ABCC1: variants seen among roughly 807,000 people sequenced by gnomAD.
ABCC1 encodes multidrug resistance-associated protein 1.
A neutral mutation model predicts 172.9 loss-of-function variants in ABCC1; 83 were observed. That is an observed-to-expected ratio of 0.48 (90% CI 0.40 to 0.58). The LOEUF (loss-of-function observed/expected upper bound fraction) is 0.58, where lower values mean the gene tolerates loss of function less well. Ranked by LOEUF, ABCC1 falls within the 20% of genes least tolerant of loss-of-function variation. The probability of loss-of-function intolerance (pLI) is 0.00; values close to 1 mark genes in which losing one functional copy is unlikely to be tolerated. For missense variants in ABCC1, 1,817 were observed against 2,002.7 expected (o/e 0.91, Z 1.77); for synonymous variants, 937 against 825.2 (o/e 1.14, Z -2.32).
chr16:15,991,198 T>A (rs1037013091), intron 1 of ABCC1, among the ~76,000 whole-genome samples: 4 of 151,928 alleles, frequency 2.6e-5, no homozygotes, highest in African/African-American at 9.7e-5. Flanking sequence ...GCGTTTAGCG[T>A]CCAGCTCAAG....
chr16:16,084,206 G>A (rs889058740), intron 17 of ABCC1, among the ~76,000 whole-genome samples: 3 of 152,060 alleles, frequency 2.0e-5, no homozygotes, highest in Admixed American at 6.6e-5. Flanking sequence ...GCGTTCAGGT[G>A]ATTCTCCTGC....
chr16:16,137,971 C>G (rs1427794469), intron 29 of ABCC1, among the ~76,000 whole-genome samples: 2 of 152,014 alleles, frequency 1.3e-5, no homozygotes, highest in African/African-American at 2.4e-5. Context: ...CCTGCCTCAG[C>G]CTCCCAGTAA....
At chr16:16,037,482 TAAGA>T (rs144561853) in intron 7 of ABCC1, among the ~76,000 whole-genome samples, 6,025 of 152,046 alleles carry the variant, frequency 0.04, 312 homozygotes, top group East Asian at 0.26. Flanking sequence ...TATGTAACAG[TAAGA>T]AAGAAAAGCA....
At chr16:16,031,096 G>A (rs985791099) in intron 5 of ABCC1, among the ~76,000 whole-genome samples, 2 of 152,076 alleles carry the variant, frequency 1.3e-5, no homozygotes, top group South Asian at 2.1e-4. Flanking sequence ...TGATCTGCCC[G>A]CCTTGGCCTC....
At chr16:16,089,774 GGGA>G (rs71137911) in intron 18 of ABCC1, among the ~76,000 whole-genome samples, 16,365 of 151,794 alleles carry the variant, frequency 0.11, 1,111 homozygotes, top group Middle Eastern at 0.22. Flanking sequence ...CTACGCGGGA[GGGA>G]GGCTGAGGCA....
At chr16:16,098,110 G>C (rs1263579071) in intron 19 of ABCC1, 27 of 152,484 alleles carry the variant, frequency 1.8e-4, no homozygotes, top group Admixed American at 1.8e-3. Context: ...TCTCCTCTTG[G>C]GCACATGTGC....
chr16:16,044,344 T>C, intron 7 of ABCC1, 106 bp from the exon 8 acceptor site: 1 of 1,021,716 alleles, frequency 9.8e-7, no homozygotes, highest in Non-Finnish European at 1.5e-6. Context: ...GCTTGTTGTC[T>C]TTGACTCTGC....
intron 1 of ABCC1, among the ~76,000 whole-genome samples, chr16:15,972,787 C>CTTTTTTTTTT (rs35086205): frequency 2.2e-5 from 2 of 89,336 alleles, no homozygotes; most frequent in Admixed American, 1.6e-4. Context: ...TATTTTTTAA[C>CTTTTTTTTTT]TTTTTTTTTT....
At chr16:15,949,834 G>A (rs2045823582) in intron 1 of ABCC1, 35 bp downstream of exon 1, 1 of 1,190,934 alleles carries the variant, frequency 8.4e-7, no homozygotes. Context: ...CCGGCGGGAC[G>A]GAGGGAGGCC....
chr16:16,068,725 G>A (rs1426653239), intron 13 of ABCC1, among the ~76,000 whole-genome samples: 1 of 152,076 alleles, frequency 6.6e-6, no homozygotes, highest in Non-Finnish European at 1.5e-5. Context: ...GGCGGCTCAT[G>A]CCTGTATTCC....
At chr16:16,049,840 C>T (rs987311515) in intron 10 of ABCC1, among the ~76,000 whole-genome samples, 3 of 151,934 alleles carry the variant, frequency 2.0e-5, no homozygotes, top group African/African-American at 4.8e-5. Flanking sequence ...TACACCACCA[C>T]GCCCATTAAA....
chr16:16,009,586 G>A (rs1035995055), intron 2 of ABCC1, among the ~76,000 whole-genome samples, 190 bp from the exon 3 acceptor site: 3 of 152,160 alleles, frequency 2.0e-5, no homozygotes, highest in East Asian at 1.9e-4. Flanking sequence ...ATCACGTGCC[G>A]GCCTGGATGC....
chr16:16,016,673 G>A (rs2048012444), intron 5 of ABCC1, 52 bp downstream of exon 5: 7 of 1,606,490 alleles, frequency 4.4e-6, no homozygotes, highest in African/African-American at 1.3e-5. Context: ...AGAGAGATGC[G>A]TGACACAGTA....
chr16:15,965,521 T>A (rs1255609519), intron 1 of ABCC1, among the ~76,000 whole-genome samples: 1 of 152,122 alleles, frequency 6.6e-6, no homozygotes, highest in Non-Finnish European at 1.5e-5. Context: ...CTTGATCTCC[T>A]GACCTTGTGA....
intron 12 of ABCC1, among the ~76,000 whole-genome samples, chr16:16,059,132 G>A (rs774374590): frequency 2.6e-5 from 4 of 152,158 alleles, no homozygotes; most frequent in Admixed American, 6.5e-5. Flanking sequence ...AGTCTGGTCC[G>A]TGGACCAGCA....
rs1480202602 is a variant in ABCC1 at position 16,086,978 on chromosome 16, T to A, written c.2447T>A (p.Met816Lys). The part of the protein sequence containing the change: ...IFENVIGPKG[M>K]LKNKTRILVT... ...GAAAATGTGATTGGCCCCAAGGGGA[T>A]GCTGAAGAACAAGGTGCCTGCTGGC... is the stretch of plus-strand genomic sequence containing the variant. Residue 816 changes from methionine (M) to lysine (K), a missense_variant, in exon 18 of 31, where the codon ATG becomes AAG. Coordinates refer to ENST00000399410, the MANE Select transcript of ABCC1 (RefSeq NM_004996.4). 1 of 1,614,206 alleles carries A rather than the reference T, an allele frequency of 6.2e-7. No individual in the cohort carries two copies. Among genetic ancestry groups the A allele is most frequent in the Non-Finnish European group, 8.5e-7 (1 of 1,180,036 alleles).
intron 2 of ABCC1, 73 bp from the exon 3 acceptor site, chr16:16,009,703 G>A: frequency 1.4e-6 from 2 of 1,461,400 alleles, no homozygotes; most frequent in Non-Finnish European, 1.8e-6. Flanking sequence ...CCCTGGGGCT[G>A]AGCTGTTCGT....
chr16:16,063,627 C>T (rs1030233578), intron 12 of ABCC1, among the ~76,000 whole-genome samples: 14 of 152,018 alleles, frequency 9.2e-5, no homozygotes, highest in Non-Finnish European at 2.9e-5. Context: ...ACTAAAAAGT[C>T]TAGAAAAAGA....
At chr16:16,127,925 T>G (rs1397194623) in intron 26 of ABCC1, among the ~76,000 whole-genome samples, 1 of 151,888 alleles carries the variant, frequency 6.6e-6, no homozygotes, top group African/African-American at 2.4e-5. Flanking sequence ...GGTTTTTTTT[T>G]TTTTTTTTTT....
Sources: gnomAD v4.1 joint callset for allele counts (sites outside exome capture counted in the v4.1 genomes callset) on GRCh38, gnomAD v4.1.1 for gene constraint, MANE v1.5 for transcripts, NCBI Gene and HGNC (gene_info 2026-07-23, HGNC 2026-07-21) for gene names.